The following ZNRF2 variants were observed in gnomAD, a reference collection of about 807,000 sequenced individuals.
ZNRF2 encodes the protein E3 ubiquitin-protein ligase ZNRF2.
Under a neutral mutation model 20.4 loss-of-function variants are expected in ZNRF2, and 16 were observed. That is an observed-to-expected ratio of 0.79 (90% CI 0.53 to 1.19). The LOEUF is 1.19. Ranked by LOEUF, ZNRF2 falls within the 50% of genes most tolerant of loss-of-function variation. ZNRF2 has a pLI of 0.00. For synonymous variants in ZNRF2, 178 were observed against 144.9 expected, an observed-to-expected ratio of 1.23 and a Z score of -1.64; for missense variants, 363 against 332.4, an observed-to-expected ratio of 1.09 and a Z score of -0.72.
Position 30,322,858 on chromosome 7 carries a change from G to C in ZNRF2, c.470-784G>C, listed in dbSNP as rs146967129. ...TCTTAGCAGCAAGAAGGCAGGGATG[G>C]GACACTTCACCTTGGTAAGTGAGGG... On this transcript the variant is annotated intron_variant, in intron 1 of 4. Transcript: ENST00000323037. 2.1e-3 allele frequency among the ~76,000 whole-genome samples: 315 copies of C among 152,170 alleles called. 2 individuals are homozygous for C. The highest frequency in any genetic ancestry group is 7.3e-3 in the African/African-American group (301 of 41,512).
At chr7:30,301,786 G>T (rs895868943) in intron 1 of ZNRF2, among the ~76,000 whole-genome samples, 1 of 150,578 alleles carries the variant, frequency 6.6e-6, no homozygotes, top group Non-Finnish European at 1.5e-5. Context: ...AACAATCTCC[G>T]AAAAGGTAAT....
At chr7:30,291,142 CAA>C (rs1755948749) in intron 1 of ZNRF2, among the ~76,000 whole-genome samples, 2 of 152,248 alleles carry the variant, frequency 1.3e-5, no homozygotes, top group East Asian at 1.9e-4. Flanking sequence ...GAAAAATCCA[CAA>C]AAGTGTGGGT....
chr7:30,332,546 C>T (rs534634770), intron 2 of ZNRF2, among the ~76,000 whole-genome samples: 1 of 152,200 alleles, frequency 6.6e-6, no homozygotes, highest in South Asian at 2.1e-4. Flanking sequence ...TTTTGGAGTT[C>T]CCTGTGTCTG....
chr7:30,288,046 C>T (rs1798826169), intron 1 of ZNRF2, among the ~76,000 whole-genome samples: 1 of 152,166 alleles, frequency 6.6e-6, no homozygotes, highest in Non-Finnish European at 1.5e-5. Context: ...ATCTTAGTGG[C>T]ATTGCCTTAC....
At chr7:30,291,049 AAAT>A (rs1306770077) in intron 1 of ZNRF2, among the ~76,000 whole-genome samples, 2 of 152,238 alleles carry the variant, frequency 1.3e-5, no homozygotes, top group Non-Finnish European at 2.9e-5. Flanking sequence ...GCTGGTCAAA[AAAT>A]GCTTCACAGA....
At chr7:30,288,427 T>C (rs1798836650) in intron 1 of ZNRF2, among the ~76,000 whole-genome samples, 1 of 152,194 alleles carries the variant, frequency 6.6e-6, no homozygotes, top group South Asian at 2.1e-4. Flanking sequence ...TGAGCTCTCA[T>C]GTAATTTATA....
intron 1 of ZNRF2, among the ~76,000 whole-genome samples, chr7:30,321,115 TTTG>T (rs149061443): frequency 0.018 from 2,686 of 152,158 alleles, 85 homozygotes; most frequent in African/African-American, 0.06. Context: ...CCGAATATTC[TTTG>T]TTGTTGTTGT....
At chr7:30,321,470 T>A (rs1799468321) in intron 1 of ZNRF2, among the ~76,000 whole-genome samples, 2 of 152,128 alleles carry the variant, frequency 1.3e-5, no homozygotes, top group South Asian at 4.1e-4. Context: ...ATTATTTATT[T>A]TCATTTTAGT....
intron 1 of ZNRF2, among the ~76,000 whole-genome samples, chr7:30,311,118 G>C (rs948521638): frequency 6.6e-6 from 1 of 152,168 alleles, no homozygotes; most frequent in Admixed American, 6.6e-5. Flanking sequence ...TGCGCTGTAT[G>C]TAAGCCTCCA....
intron 2 of ZNRF2, among the ~76,000 whole-genome samples, chr7:30,327,873 T>A (rs2127948141): frequency 6.6e-6 from 1 of 152,210 alleles, no homozygotes. Flanking sequence ...GGCTTTTATT[T>A]TTTATTTTGT....
intron 2 of ZNRF2, among the ~76,000 whole-genome samples, chr7:30,337,095 T>C (rs900102221): frequency 6.6e-6 from 1 of 152,186 alleles, no homozygotes; most frequent in Admixed American, 6.5e-5. Context: ...AGTCTCTTAC[T>C]TGTTTTGGTA....
intron 1 of ZNRF2, among the ~76,000 whole-genome samples, chr7:30,298,308 G>C (rs1317837767): frequency 6.6e-6 from 1 of 151,992 alleles, no homozygotes; most frequent in Non-Finnish European, 1.5e-5. Context: ...CTTCCCACTT[G>C]CTTTTTCTGT....
intron 2 of ZNRF2, among the ~76,000 whole-genome samples, chr7:30,334,097 G>GT (rs960604226): frequency 1.6e-4 from 25 of 152,102 alleles, no homozygotes; most frequent in African/African-American, 5.5e-4. Context: ...GTTTTTCCTA[G>GT]TTTTTTTCCT....
intron 2 of ZNRF2, among the ~76,000 whole-genome samples, chr7:30,352,469 C>T (rs1799974431): frequency 6.6e-6 from 1 of 151,998 alleles, no homozygotes; most frequent in Non-Finnish European, 1.5e-5. Flanking sequence ...TAAATTAATG[C>T]ATAGATTACA....
Position 30,362,442 on chromosome 7 carries a change from C to CT in ZNRF2, c.*10dup. The CT allele has an allele frequency of 5.0e-6, 8 of 1,594,508 alleles. No homozygotes were observed. The highest frequency in any genetic ancestry group is 6.9e-6 in the Non-Finnish European group (8 of 1,167,848). ...GAGCACCCTTCAGATTAAGCGTCAG[C>CT]TTCCTGTTTTATAGGTAATTTTTTT... On this transcript the variant is annotated 3_prime_UTR_variant, in exon 4 of 5. Transcript: ENST00000323037.
At chr7:30,305,648 G>C (rs1198231018) in intron 1 of ZNRF2, among the ~76,000 whole-genome samples, 1 of 152,074 alleles carries the variant, frequency 6.6e-6, no homozygotes, top group Admixed American at 6.5e-5. Context: ...ATGTTTTTGT[G>C]TGTATGATTT....
chr7:30,285,971 A>G, intron 1 of ZNRF2, 145 bp downstream of exon 1: 2 of 1,319,388 alleles, frequency 1.5e-6, no homozygotes, highest in Non-Finnish European at 1.9e-6. Context: ...GTCGGTCTCC[A>G]TCCTGGAAGA....
chr7:30,353,904 C>A (rs1441680386), intron 2 of ZNRF2, among the ~76,000 whole-genome samples: 3 of 152,052 alleles, frequency 2.0e-5, no homozygotes, highest in Non-Finnish European at 4.4e-5. Flanking sequence ...TGAAAAAATA[C>A]GTAAGTGGTG....
At chr7:30,318,847 C>T (rs113790738) in intron 1 of ZNRF2, among the ~76,000 whole-genome samples, 3 of 152,148 alleles carry the variant, frequency 2.0e-5, no homozygotes, top group Non-Finnish European at 4.4e-5. Flanking sequence ...TGTGTTGGCT[C>T]ACGCCTGCAA....
Sources: gnomAD v4.1 joint callset for allele counts (sites outside exome capture counted in the v4.1 genomes callset) on GRCh38, gnomAD v4.1.1 for gene constraint, MANE v1.5 for transcripts, NCBI Gene and HGNC (gene_info 2026-07-23, HGNC 2026-07-21) for gene names.